ALX4: variants seen among roughly 807,000 people sequenced by gnomAD.
ALX4 encodes ALX homeobox 4.
In ALX4, 22 loss-of-function variants were observed where a neutral mutation model predicts 40.6. That is an observed-to-expected ratio of 0.54 (90% CI 0.39 to 0.77). The LOEUF (loss-of-function observed/expected upper bound fraction) is 0.77, where lower values mean the gene tolerates loss of function less well. Ranked by LOEUF, ALX4 falls within the 30% of genes least tolerant of loss-of-function variation. The pLI is 0.00. For synonymous variants in ALX4, 266 were observed against 240.5 expected, an observed-to-expected ratio of 1.11 and a Z score of -0.98; for missense variants, 556 against 564.8, an observed-to-expected ratio of 0.98 and a Z score of 0.16.
Position 44,310,058 on chromosome 11 carries a change from T to G in ALX4, c.5A>C (p.Asn2Thr). Residue 2 changes from asparagine to threonine, a missense_variant, in exon 1 of 4, where the codon AAT becomes ACT. Transcript: ENST00000652299. Reference sequence around the variant, plus strand: ...GCAGTAAGAGACGCAAGTCTCAGCATTCATGCCTGGCTTGCGCAGGCGGCG... The same window carrying G: ...GCAGTAAGAGACGCAAGTCTCAGCAGTCATGCCTGGCTTGCGCAGGCGGCG... Reference protein sequence around the residue: MNAETCVSYCES... With the variant: MTAETCVSYCES... 1 of 1,591,174 alleles carries G rather than the reference T, an allele frequency of 6.3e-7. No individual in the cohort carries two copies. Among genetic ancestry groups the G allele is most frequent in the South Asian group, 1.1e-5 (1 of 87,844 alleles).
At chr11:44,265,225 T>C (rs1276014887) in intron 3 of ALX4, 42 bp from the exon 4 acceptor site, 1 of 1,550,728 alleles carries the variant, frequency 6.4e-7, no homozygotes, top group Admixed American at 1.9e-5. Flanking sequence ...GGCGGGCAGG[T>C]GTGGTGTGGA....
rs565623792 is a variant in ALX4, at chr11:44,263,330, G to A, written c.*1524C>T. 6.6e-6 allele frequency: 1 copy of A among 152,424 alleles called. No individual in the cohort carries two copies. Among genetic ancestry groups the A allele is most frequent in the East Asian group, 1.9e-4 (1 of 5,184 alleles). The allele number at this position is 152,424 out of a possible 1,614,324, so 9.4% of individuals were successfully genotyped here. On this transcript the variant is annotated 3_prime_UTR_variant, in exon 4 of 4. Transcript: ENST00000652299. ...ACAGGCCTGCCTCTGGACGGTTACT[G>A]TGTACTCCCAGCTGAGGTGAGGGCT...
At chr11:44,301,872 C>CACGGG (rs1169886518) in intron 1 of ALX4, among the ~76,000 whole-genome samples, 1 of 152,240 alleles carries the variant, frequency 6.6e-6, no homozygotes, top group Non-Finnish European at 1.5e-5. Context: ...CAGTGAGCCA[C>CACGGG]ACGGGACAGA....
intron 1 of ALX4, among the ~76,000 whole-genome samples, chr11:44,292,302 C>A (rs1225993268): frequency 6.6e-6 from 1 of 151,488 alleles, no homozygotes; most frequent in Non-Finnish European, 1.5e-5. Flanking sequence ...ACCTCCTGGG[C>A]TCAAGCAATC....
intron 1 of ALX4, among the ~76,000 whole-genome samples, chr11:44,299,403 C>T (rs1004317751): frequency 4.1e-5 from 6 of 148,028 alleles, no homozygotes; most frequent in Non-Finnish European, 6.0e-5. Flanking sequence ...CTCTGTCACC[C>T]AGGCTGGAGT....
chr11:44,275,225 A>G, intron 2 of ALX4, 123 bp downstream of exon 2: 1 of 1,026,314 alleles, frequency 9.7e-7, no homozygotes, highest in Non-Finnish European at 1.5e-6. Flanking sequence ...TCAGGTTCTC[A>G]ATGAACTGAG....
chr11:44,266,069 AC>A (rs1244391120), intron 3 of ALX4, among the ~76,000 whole-genome samples: 1 of 151,660 alleles, frequency 6.6e-6, no homozygotes, highest in Non-Finnish European at 1.5e-5. Flanking sequence ...TGTCTGGAGC[AC>A]ACTCGAGGGA....
At chr11:44,282,073 T>G (rs998882749) in intron 1 of ALX4, among the ~76,000 whole-genome samples, 4 of 152,046 alleles carry the variant, frequency 2.6e-5, no homozygotes, top group Non-Finnish European at 5.9e-5. Flanking sequence ...GAGGACTAAG[T>G]GTAATCAATG....
intron 1 of ALX4, among the ~76,000 whole-genome samples, chr11:44,280,098 T>C (rs1270890712): frequency 1.3e-5 from 2 of 152,094 alleles, no homozygotes; most frequent in South Asian, 4.1e-4. Flanking sequence ...GTGGGATACA[T>C]TGAAAAAGGG....
At chr11:44,285,599 C>T (rs758045690) in intron 1 of ALX4, among the ~76,000 whole-genome samples, 15 of 152,186 alleles carry the variant, frequency 9.9e-5, no homozygotes, top group Non-Finnish European at 1.9e-4. Flanking sequence ...ACGGTGTCCC[C>T]TCCCACTTCA....
chr11:44,298,521 G>T lies in ALX4; in HGVS notation c.466+11076C>A, dbSNP rs150074680. On this transcript the variant is annotated intron_variant, in intron 1 of 3. Coordinates refer to ENST00000652299, the MANE Select transcript of ALX4 (RefSeq NM_021926.4). Reference sequence around the variant, plus strand: ...CCCTGGGCAGGTGGCAGGAATGGGGGTGCCAGCGGGCAGGACACGGAACTC... The same window carrying T: ...CCCTGGGCAGGTGGCAGGAATGGGGTTGCCAGCGGGCAGGACACGGAACTC... Among the ~76,000 whole-genome samples the T allele has an allele frequency of 1.2e-4, 18 of 152,304 alleles. No individual in the cohort carries two copies. The East Asian group carries it at 3.1e-3, about 26-fold the overall frequency.
intron 1 of ALX4, among the ~76,000 whole-genome samples, chr11:44,275,894 G>C (rs1297586735): frequency 6.6e-6 from 1 of 152,108 alleles, no homozygotes; most frequent in Non-Finnish European, 1.5e-5. Context: ...CTTAGACTAG[G>C]TCCCTTCCAG....
intron 3 of ALX4, 62 bp from the exon 4 acceptor site, chr11:44,265,245 C>T: frequency 6.9e-7 from 1 of 1,448,660 alleles, no homozygotes. Context: ...AAGGGGCTCG[C>T]CCCTTCCCCC....
chr11:44,302,890 A>G (rs147579984), intron 1 of ALX4, among the ~76,000 whole-genome samples: 1 of 152,224 alleles, frequency 6.6e-6, no homozygotes, highest in East Asian at 1.9e-4. Context: ...GTGGGCCCAG[A>G]CTGCTACCAG....
chr11:44,295,455 G>A (rs925602257), intron 1 of ALX4, among the ~76,000 whole-genome samples: 1 of 152,238 alleles, frequency 6.6e-6, no homozygotes, highest in East Asian at 1.9e-4. Flanking sequence ...CCAGGCTCAA[G>A]CAGGCCTCTG....
chr11:44,285,723 T>G (rs1212182809), intron 1 of ALX4, among the ~76,000 whole-genome samples: 3 of 152,182 alleles, frequency 2.0e-5, no homozygotes, highest in African/African-American at 7.2e-5. Context: ...AACATTTTAT[T>G]TTTTGTTTTC....
chr11:44,307,029 G>A lies in ALX4; in HGVS notation c.466+2568C>T, dbSNP rs562920453. ...AGGCAGCATGGAGTGGCGTCCTGCC[G>A]GTAGTTACAGGCTGCCTTTGGTCCC... On this transcript the variant is annotated intron_variant, in intron 1 of 3. Coordinates refer to ENST00000652299, the MANE Select transcript of ALX4 (RefSeq NM_021926.4). Among the ~76,000 whole-genome samples, 30 of 152,258 alleles carry A rather than the reference G, an allele frequency of 2.0e-4. No individual in the cohort carries two copies. The South Asian group carries it at 5.0e-3, about 25-fold the overall frequency.
chr11:44,273,204 A>G (rs2135312091), intron 2 of ALX4, among the ~76,000 whole-genome samples: 1 of 152,084 alleles, frequency 6.6e-6, no homozygotes, highest in East Asian at 1.9e-4. Context: ...AAAAAAAAAA[A>G]AAAAAAGATT....
At chr11:44,305,118 A>C (rs1956458490) in intron 1 of ALX4, among the ~76,000 whole-genome samples, 1 of 152,280 alleles carries the variant, frequency 6.6e-6, no homozygotes, top group African/African-American at 2.4e-5. Flanking sequence ...CGTTTAAGGA[A>C]ACATGTAAAT....
Sources: gnomAD v4.1 joint callset for allele counts (sites outside exome capture counted in the v4.1 genomes callset) on GRCh38, gnomAD v4.1.1 for gene constraint, MANE v1.5 for transcripts, NCBI Gene and HGNC (gene_info 2026-07-23, HGNC 2026-07-21) for gene names.